Variants in CDH18 observed in about 807,000 individuals in gnomAD.
CDH18 encodes the protein cadherin-18.
In CDH18, 31 loss-of-function variants were observed where a neutral mutation model predicts 67.9. The observed-to-expected ratio is 0.46, with a 90% confidence interval of 0.34 to 0.62. CDH18 has a LOEUF of 0.62. Among genes scored for constraint, CDH18 ranks in the 20% least tolerant of loss-of-function variants. CDH18 has a pLI of 0.01. For missense variants in CDH18, 890 were observed against 975.5 expected, an observed-to-expected ratio of 0.91 and a Z score of 1.17; for synonymous variants, 362 against 347.2, an observed-to-expected ratio of 1.04 and a Z score of -0.48.
chr5:20,056,680 C>CTTTTTTTTT (rs397758122), intron 2 of CDH18, among the ~76,000 whole-genome samples: 33 of 70,016 alleles, frequency 4.7e-4, no homozygotes, highest in African/African-American at 7.6e-4. Flanking sequence ...TCTATATTCT[C>CTTTTTTTTT]TTTTTTTTTT....
At chr5:20,208,331 T>C (rs1303557374) in intron 2 of CDH18, among the ~76,000 whole-genome samples, 2 of 152,146 alleles carry the variant, frequency 1.3e-5, no homozygotes, top group Admixed American at 6.6e-5. Flanking sequence ...CTTGATTCAA[T>C]TGCCTTTCAC....
intron 5 of CDH18, among the ~76,000 whole-genome samples, chr5:19,668,499 A>G (rs1758285735): frequency 6.6e-6 from 1 of 152,112 alleles, no homozygotes; most frequent in Non-Finnish European, 1.5e-5. Flanking sequence ...TATGCATTTA[A>G]TTAAGAAGAG....
intron 10 of CDH18, among the ~76,000 whole-genome samples, chr5:19,519,709 G>A (rs1746588143): frequency 6.6e-6 from 1 of 152,140 alleles, no homozygotes; most frequent in Admixed American, 6.5e-5. Context: ...TTTGCTTGAT[G>A]AAATAACTGG....
chr5:19,727,812 A>G (rs981095369), intron 4 of CDH18, among the ~76,000 whole-genome samples: 1 of 152,232 alleles, frequency 6.6e-6, no homozygotes, highest in East Asian at 1.9e-4. Context: ...CAAGTAGATT[A>G]CAGTAAATAA....
At chr5:20,170,875 A>T (rs1164852370) in intron 2 of CDH18, among the ~76,000 whole-genome samples, 1 of 151,584 alleles carries the variant, frequency 6.6e-6, no homozygotes, top group Non-Finnish European at 1.5e-5. Context: ...ACTCTCTTGT[A>T]GGCTTCTGTG....
chr5:20,033,633 A>G (rs1739590124), intron 2 of CDH18, among the ~76,000 whole-genome samples: 1 of 152,030 alleles, frequency 6.6e-6, no homozygotes, highest in Admixed American at 6.6e-5. Flanking sequence ...CCAAATAACA[A>G]ATCAGAAAGA....
intron 1 of CDH18, among the ~76,000 whole-genome samples, chr5:20,379,120 A>G (rs1743699445): frequency 6.6e-6 from 1 of 152,152 alleles, no homozygotes; most frequent in Non-Finnish European, 1.5e-5. Flanking sequence ...ATTTTATTAG[A>G]AAATAATCTA....
intron 5 of CDH18, among the ~76,000 whole-genome samples, chr5:19,684,183 C>A (rs1037630290): frequency 6.6e-6 from 1 of 152,036 alleles, no homozygotes; most frequent in South Asian, 2.1e-4. Context: ...CAAATGTCTA[C>A]TATTTTTACT....
At chr5:19,994,742 G>T (rs938034242) in intron 2 of CDH18, among the ~76,000 whole-genome samples, 466 of 8,262 alleles carry the variant, frequency 0.056, 8 homozygotes, top group African/African-American at 0.097. Context: ...TATATATAGA[G>T]AGAGAGAGAG....
At chr5:19,803,752 A>C (rs1304037654) in intron 3 of CDH18, 3 of 152,172 alleles carry the variant, frequency 2.0e-5, no homozygotes, top group Non-Finnish European at 4.4e-5. Context: ...CTAGCTAATA[A>C]ATTGTTTTCA....
chr5:20,429,902 A>G (rs1001136567), intron 1 of CDH18, among the ~76,000 whole-genome samples: 2 of 152,202 alleles, frequency 1.3e-5, no homozygotes, highest in African/African-American at 4.8e-5. Context: ...AAGTAATTTA[A>G]TAACAATAAG....
chr5:20,373,885 T>C (rs778433473), intron 1 of CDH18, among the ~76,000 whole-genome samples: 53 of 152,152 alleles, frequency 3.5e-4, no homozygotes, highest in Non-Finnish European at 7.2e-4. Flanking sequence ...AAAAAGAGAT[T>C]GGGATCTCTA....
At chr5:20,064,784 T>C (rs1351017730) in intron 2 of CDH18, among the ~76,000 whole-genome samples, 1 of 152,078 alleles carries the variant, frequency 6.6e-6, no homozygotes, top group Non-Finnish European at 1.5e-5. Context: ...ACACTGAACA[T>C]GCTCAGCTTA....
chr5:19,482,317 T>C lies in CDH18; in HGVS notation c.1882+984A>G, dbSNP rs560696584. Among the ~76,000 whole-genome samples the C allele has an allele frequency of 2.4e-3, 370 of 152,070 alleles. 1 individual carries two copies. Among genetic ancestry groups the C allele is most frequent in the African/African-American group, 4.4e-3 (182 of 41,532 alleles). On this transcript the variant is annotated intron_variant, in intron 12 of 12. Coordinates refer to ENST00000382275, the MANE Select transcript of CDH18 (RefSeq NM_004934.5). ...ATTTTCAGTAGAAACGGGGTTTCAC[T>C]GTGTTAGCCAGGATAGTCTCGATCT...
At chr5:20,226,928 GGTATAAACAATT>G (rs1258177884) in intron 2 of CDH18, among the ~76,000 whole-genome samples, 1 of 151,834 alleles carries the variant, frequency 6.6e-6, no homozygotes, top group Non-Finnish European at 1.5e-5. Context: ...TCACTGGCTG[GGTATAAACAATT>G]GTTAAGGTCT....
chr5:20,027,844 T>C (rs1739050853), intron 2 of CDH18, among the ~76,000 whole-genome samples: 1 of 152,238 alleles, frequency 6.6e-6, no homozygotes, highest in Non-Finnish European at 1.5e-5. Context: ...TCAAGGAATA[T>C]GTAAATTAAT....
At chr5:20,372,780 T>C (rs1743109354) in intron 1 of CDH18, among the ~76,000 whole-genome samples, 1 of 152,210 alleles carries the variant, frequency 6.6e-6, no homozygotes, top group Admixed American at 6.5e-5. Context: ...GGATGATTTT[T>C]ATTGATTTTT....
intron 2 of CDH18, among the ~76,000 whole-genome samples, chr5:20,077,947 A>G (rs1744093620): frequency 6.6e-6 from 1 of 152,192 alleles, no homozygotes; most frequent in South Asian, 2.1e-4. Flanking sequence ...TTTTTCAATG[A>G]AATGTCAACT....
At chr5:20,282,198 C>T (rs1288687043) in intron 1 of CDH18, among the ~76,000 whole-genome samples, 1 of 152,042 alleles carries the variant, frequency 6.6e-6, no homozygotes, top group African/African-American at 2.4e-5. Flanking sequence ...AATTGAATAC[C>T]CTTTATTTCT....
Sources: allele counts gnomAD v4.1 joint callset (sites outside exome capture counted in the v4.1 genomes callset), GRCh38; gene constraint gnomAD v4.1.1; transcripts MANE v1.5; gene names NCBI Gene and HGNC (gene_info 2026-07-23, HGNC 2026-07-21).